KLHL1: variants seen among roughly 807,000 people sequenced by gnomAD.
KLHL1 encodes kelch like family member 1.
Under a neutral mutation model 77.7 loss-of-function variants are expected in KLHL1, and 47 were observed. That is an observed-to-expected ratio of 0.60 (90% CI 0.48 to 0.77). KLHL1 has a LOEUF of 0.77. KLHL1 is among the 30% of genes least tolerant of loss of function. KLHL1 has a pLI of 0.00. For missense variants in KLHL1, 925 were observed against 910.8 expected (o/e 1.02, Z -0.20); for synonymous variants, 360 against 325.2 (o/e 1.11, Z -1.15).
chr13:69,931,010 C>T lies in KLHL1; in HGVS notation c.1014+9030G>A, dbSNP rs1218186208. Among the ~76,000 whole-genome samples the T allele has an allele frequency of 3.4e-5, 5 of 148,178 alleles. No individual in the cohort carries two copies. In the South Asian group the frequency reaches 1.0e-3, roughly 31 times the overall value. On this transcript the variant is annotated intron_variant, in intron 4 of 10. Coordinates refer to ENST00000377844, the MANE Select transcript of KLHL1 (RefSeq NM_020866.3). ...TACCTTTTACATTTCATGGTATGTA[C>T]TATTACCACCTTAATTTGTTACTAT...
intron 7 of KLHL1, among the ~76,000 whole-genome samples, chr13:69,773,408 T>C (rs1012163057): frequency 8.6e-5 from 13 of 152,040 alleles, no homozygotes; most frequent in Admixed American, 6.6e-4. Flanking sequence ...TAGAAGAGAA[T>C]AGAACTTCCT....
chr13:69,866,144 A>G (rs2138163444), intron 5 of KLHL1, among the ~76,000 whole-genome samples: 1 of 152,250 alleles, frequency 6.6e-6, no homozygotes, highest in South Asian at 2.1e-4. Flanking sequence ...CTTCTTTTGA[A>G]AAGAGTACAG....
chr13:69,784,982 C>T (rs1474011589), intron 7 of KLHL1, among the ~76,000 whole-genome samples: 109 of 149,174 alleles, frequency 7.3e-4, no homozygotes, highest in African/African-American at 2.3e-3. Context: ...CTCCGCCTCC[C>T]GGGTTCACGC....
intron 1 of KLHL1, among the ~76,000 whole-genome samples, chr13:70,043,820 C>T (rs990497382): frequency 2.6e-5 from 4 of 152,132 alleles, no homozygotes; most frequent in African/African-American, 4.8e-5. Context: ...AGATGCATTT[C>T]TCAGAATCTA....
At chr13:69,782,342 G>A (rs1039853647) in intron 7 of KLHL1, among the ~76,000 whole-genome samples, 4 of 152,196 alleles carry the variant, frequency 2.6e-5, no homozygotes, top group African/African-American at 4.8e-5. Flanking sequence ...CGCACCGTGT[G>A]CTAGCCGAAG....
At chr13:69,877,502 C>T (rs1397829935) in intron 5 of KLHL1, among the ~76,000 whole-genome samples, 1 of 151,536 alleles carries the variant, frequency 6.6e-6, no homozygotes, top group Non-Finnish European at 1.5e-5. Flanking sequence ...TCTAAAAGGA[C>T]AGAAATTTCT....
rs190967544 is a variant in KLHL1, at chr13:70,065,690, A to G, written c.497+41513T>C. Among the ~76,000 whole-genome samples, 50 of 152,324 alleles carry G rather than the reference A, an allele frequency of 3.3e-4. No homozygotes were observed. In the East Asian group the frequency reaches 3.7e-3, roughly 11 times the overall value. ...TTTAGTATATGTGCTTGGAGACAAC[A>G]AACTGTAAAGAGGAGTAATGTAAAT... is the stretch of plus-strand genomic sequence containing the variant. On this transcript the variant is annotated intron_variant, in intron 1 of 10. Coordinates refer to ENST00000377844, the MANE Select transcript of KLHL1 (RefSeq NM_020866.3).
chr13:69,877,942 T>C (rs897550634), intron 5 of KLHL1, among the ~76,000 whole-genome samples: 1 of 152,168 alleles, frequency 6.6e-6, no homozygotes, highest in Non-Finnish European at 1.5e-5. Flanking sequence ...AAAGCCCAGA[T>C]ACACATAATG....
intron 5 of KLHL1, among the ~76,000 whole-genome samples, chr13:69,853,420 T>C (rs1879771597): frequency 6.6e-6 from 1 of 151,974 alleles, no homozygotes; most frequent in Admixed American, 6.6e-5. Flanking sequence ...TCCCGAGGCC[T>C]CCCCAGCCAT....
In KLHL1 at chr13:69,927,954, C is replaced by T. The variant is rs188646378; in HGVS notation, c.1014+12086G>A. On this transcript the variant is annotated intron_variant, in intron 4 of 10. Transcript: ENST00000377844. ...TATATGAATGTTCATAGCAGTCAAG[C>T]TATCCTCACAGGATTAACAAGAATG... Among the ~76,000 whole-genome samples the T allele has an allele frequency of 3.6e-3, 554 of 152,284 alleles. 5 individuals carry two copies. Among genetic ancestry groups the T allele is most frequent in the African/African-American group, 0.013 (524 of 41,568 alleles).
intron 7 of KLHL1, among the ~76,000 whole-genome samples, chr13:69,772,946 C>T (rs761532419): frequency 6.6e-6 from 1 of 151,812 alleles, no homozygotes; most frequent in East Asian, 1.9e-4. Flanking sequence ...AAACAGGTTT[C>T]ATTAAGAGGA....
intron 1 of KLHL1, among the ~76,000 whole-genome samples, chr13:70,021,560 T>C (rs1211399941): frequency 6.6e-6 from 1 of 152,064 alleles, no homozygotes; most frequent in Non-Finnish European, 1.5e-5. Context: ...ATGGCAAACG[T>C]ATATCTAGTT....
chr13:70,086,468 C>T (rs1204092807), intron 1 of KLHL1, among the ~76,000 whole-genome samples: 6 of 148,132 alleles, frequency 4.1e-5, no homozygotes, highest in African/African-American at 1.2e-4. Flanking sequence ...GTAATCCCAG[C>T]TACTTGGAAG....
intron 6 of KLHL1, among the ~76,000 whole-genome samples, chr13:69,809,222 T>C (rs754398450): frequency 6.6e-6 from 1 of 152,112 alleles, no homozygotes; most frequent in Non-Finnish European, 1.5e-5. Flanking sequence ...TCCTGCGAGA[T>C]ACTAAGACTA....
chr13:70,014,034 T>C (rs1885599884), intron 1 of KLHL1, among the ~76,000 whole-genome samples: 1 of 152,070 alleles, frequency 6.6e-6, no homozygotes, highest in Admixed American at 6.6e-5. Context: ...ACAGAGAAAA[T>C]ATATTCAATT....
Position 70,024,636 on chromosome 13 carries a change from C to A in KLHL1, c.498-48834G>T, listed in dbSNP as rs1312609207. Reference sequence around the variant, plus strand: ...AGAAAAGATTTCTCTCTCTCTCTCTCTCTCTCTCTCTCTCTCTCTCTCTCG... The same window carrying A: ...AGAAAAGATTTCTCTCTCTCTCTCTATCTCTCTCTCTCTCTCTCTCTCTCG... On this transcript the variant is annotated intron_variant, in intron 1 of 10. Coordinates refer to ENST00000377844, the MANE Select transcript of KLHL1 (RefSeq NM_020866.3). Among the ~76,000 whole-genome samples, 27 of 145,122 alleles carry A rather than the reference C, an allele frequency of 1.9e-4. 1 individual carries two copies. The highest frequency in any genetic ancestry group is 8.8e-4 in the South Asian group (4 of 4,556).
At chr13:69,842,470 T>C (rs1338159616) in intron 5 of KLHL1, among the ~76,000 whole-genome samples, 1 of 151,806 alleles carries the variant, frequency 6.6e-6, no homozygotes, top group Non-Finnish European at 1.5e-5. Context: ...ATCAGAGAAA[T>C]ATAAATCAAA....
chr13:70,010,167 C>A (rs1183528982), intron 1 of KLHL1, among the ~76,000 whole-genome samples: 3 of 152,006 alleles, frequency 2.0e-5, no homozygotes, highest in African/African-American at 7.2e-5. Flanking sequence ...TCTGTAATGT[C>A]TTGTAGGCCT....
chr13:69,836,339 G>A (rs1593873554), intron 6 of KLHL1, among the ~76,000 whole-genome samples: 1 of 152,078 alleles, frequency 6.6e-6, no homozygotes, highest in Non-Finnish European at 1.5e-5. Flanking sequence ...TGCTGATTTC[G>A]AAGATGTACA....
Sources: gnomAD v4.1 joint callset for allele counts (sites outside exome capture counted in the v4.1 genomes callset) on GRCh38, gnomAD v4.1.1 for gene constraint, MANE v1.5 for transcripts, NCBI Gene and HGNC (gene_info 2026-07-23, HGNC 2026-07-21) for gene names.